The following IBTK variants were observed in gnomAD, a reference collection of about 807,000 sequenced individuals.
IBTK encodes the protein inhibitor of Bruton tyrosine kinase.
Under a neutral mutation model 154.9 loss-of-function variants are expected in IBTK, and 83 were observed. The observed-to-expected ratio is 0.54, with a 90% CI of 0.45 to 0.64. The LOEUF is 0.64. IBTK is among the 30% of genes least tolerant of loss of function. The pLI is 0.00. For synonymous variants in IBTK, 515 were observed against 536.1 expected (o/e 0.96, Z 0.54); for missense variants, 1,332 against 1,584.6 (o/e 0.84, Z 2.71).
At chr6:82,232,798 T>TGGAGTTCAGGAGTTCCAGATTACC (rs1239483932) in intron 3 of IBTK, among the ~76,000 whole-genome samples, 5 of 151,998 alleles carry the variant, frequency 3.3e-5, no homozygotes, top group Admixed American at 2.6e-4. Context: ...GGAGGATCAC[T>TGGAGTTCAGGAGTTCCAGATTACC]GGAGTTCAGG....
At chr6:82,237,180 G>A (rs1027521984) in intron 2 of IBTK, among the ~76,000 whole-genome samples, 1 of 151,788 alleles carries the variant, frequency 6.6e-6, no homozygotes, top group East Asian at 1.9e-4. Context: ...AGGATGGCAG[G>A]AAACCCAAAC....
At chr6:82,204,319 C>T (rs1769319226) in intron 17 of IBTK, among the ~76,000 whole-genome samples, 2 of 151,730 alleles carry the variant, frequency 1.3e-5, no homozygotes, top group South Asian at 2.1e-4. Context: ...AGTGTCAGGG[C>T]CAAAATAATA....
chr6:82,193,061 G>A lies in IBTK; in HGVS notation c.3339-1182C>T, dbSNP rs1458882555. 4.0e-5 allele frequency among the ~76,000 whole-genome samples: 6 copies of A among 148,784 alleles called. No homozygotes were observed. In the East Asian group the frequency reaches 5.9e-4, roughly 15 times the overall value. ...TGCGGTGAGCCGAGATCGTGCCACC[G>A]CACTCCAGCCTGGGCAACAGAGCAA... On this transcript the variant is annotated intron_variant, in intron 23 of 28. Transcript: ENST00000306270.
At chr6:82,230,229 A>G (rs867310849) in intron 4 of IBTK, among the ~76,000 whole-genome samples, 1 of 152,222 alleles carries the variant, frequency 6.6e-6, no homozygotes, top group South Asian at 2.1e-4. Flanking sequence ...TACTATAGTG[A>G]TAAAAACACT....
At chr6:82,173,293 C>T in intron 27 of IBTK, 74 bp downstream of exon 27, 1 of 1,061,654 alleles carries the variant, frequency 9.4e-7, no homozygotes, top group Non-Finnish European at 1.5e-6. Context: ...TGAGCCACTG[C>T]ACTCAGCCTT....
rs777051108 is a variant in IBTK, at chr6:82,201,460, C to T, written c.2752G>A (p.Gly918Ser). ...AACTCAGAAAGATCCTTCAAAACAC[C>T]ATCGCTTAAAACATCAAGAGACCTA... is the stretch of plus-strand genomic sequence containing the variant. ...EARSLDVLSD[G>S]VLKDLSEFYR... Residue 918 changes from glycine to serine, a missense_variant, in exon 19 of 29, where the codon GGT becomes AGT. By Grantham distance (56) the Gly-to-Ser change is moderately conservative. Transcript: ENST00000306270. 6.2e-7 allele frequency: 1 copy of T among 1,607,464 alleles called. No homozygotes were observed. Among genetic ancestry groups the T allele is most frequent in the East Asian group, 2.2e-5 (1 of 44,448 alleles).
chr6:82,181,895 C>T lies in IBTK; in HGVS notation c.3709G>A (p.Ala1237Thr). The T allele has an allele frequency of 1.3e-6, 2 of 1,576,040 alleles. No homozygotes were observed. The highest frequency in any genetic ancestry group is 1.7e-6 in the Non-Finnish European group (2 of 1,168,792). ...TTTTATTACCTGACAATTTTTGGTG[C>T]CTGAGAATTTTCAATTCCTTTAAAA... ...VSFKGIENSQ[A>T]PKIVRCSTHG... Residue 1237 changes from alanine (A) to threonine (T), a missense_variant, in exon 26 of 29, where the codon GCA (alanine) becomes ACA (threonine). Ala to Thr is a moderately conservative substitution (Grantham distance 58). Transcript: ENST00000306270.
intron 17 of IBTK, among the ~76,000 whole-genome samples, chr6:82,203,127 A>G (rs1183835189): frequency 6.6e-6 from 1 of 152,150 alleles, no homozygotes; most frequent in African/African-American, 2.4e-5. Flanking sequence ...GTGGGTGTAT[A>G]TATATACATG....
chr6:82,209,728 C>T (rs971420352), intron 16 of IBTK, among the ~76,000 whole-genome samples: 2 of 152,068 alleles, frequency 1.3e-5, no homozygotes, highest in East Asian at 1.9e-4. Context: ...AATAATTTCT[C>T]GATTTTTAAA....
At chr6:82,174,150 G>C (rs1167224535) in intron 26 of IBTK, among the ~76,000 whole-genome samples, 2 of 151,972 alleles carry the variant, frequency 1.3e-5, no homozygotes, top group African/African-American at 4.8e-5. Context: ...AGAAAACTGA[G>C]GACTAGACAG....
chr6:82,199,684 C>A (rs567834202), intron 21 of IBTK, among the ~76,000 whole-genome samples: 1 of 152,120 alleles, frequency 6.6e-6, no homozygotes, highest in Non-Finnish European at 1.5e-5. Context: ...CCAGTCACAT[C>A]CTGTTTTAAA....
intron 26 of IBTK, among the ~76,000 whole-genome samples, chr6:82,181,261 G>GA (rs1335540163): frequency 6.6e-6 from 1 of 151,942 alleles, no homozygotes; most frequent in Non-Finnish European, 1.5e-5. Context: ...AATAGCTAGA[G>GA]AAAAAATTGC....
chr6:82,192,747 C>CA lies in IBTK; in HGVS notation c.3339-869dup, dbSNP rs148526883. Among the ~76,000 whole-genome samples the CA allele has an allele frequency of 3.4e-3, 300 of 89,086 alleles. 1 individual carries two copies. The highest frequency in any genetic ancestry group is 0.021 in the East Asian group (57 of 2,652). 58.4% of individuals were successfully genotyped at this position (89,086 alleles called of 152,430 possible). On this transcript the variant is annotated intron_variant, in intron 23 of 28. Coordinates refer to ENST00000306270, the MANE Select transcript of IBTK (RefSeq NM_015525.4). ...GGGCAATGAGGGCGAAACTCTGTCTCAAAAAAAAAAAAAAAAGAAATAGAT... is the reference window on the plus strand; with the variant it reads ...GGGCAATGAGGGCGAAACTCTGTCTCAAAAAAAAAAAAAAAAAGAAATAGAT...
intron 16 of IBTK, chr6:82,210,448 CAA>C (rs1347620427): frequency 2.0e-5 from 3 of 152,234 alleles, no homozygotes; most frequent in South Asian, 2.1e-4. Context: ...CACTAATTCT[CAA>C]AGAGTTCATT....
chr6:82,189,554 A>G, intron 25 of IBTK, among the ~76,000 whole-genome samples: 1 of 152,308 alleles, frequency 6.6e-6, no homozygotes, highest in African/African-American at 2.4e-5. Context: ...AGAAAACCAC[A>G]GGATCAAGAA....
chr6:82,179,936 A>T (rs924433035), intron 26 of IBTK, among the ~76,000 whole-genome samples: 3 of 151,912 alleles, frequency 2.0e-5, no homozygotes, highest in African/African-American at 7.3e-5. Context: ...AGATAAAAGC[A>T]CAGGTATTGG....
At chr6:82,186,388 AC>A (rs1451712054) in intron 25 of IBTK, among the ~76,000 whole-genome samples, 1 of 152,214 alleles carries the variant, frequency 6.6e-6, no homozygotes, top group Non-Finnish European at 1.5e-5. Flanking sequence ...AAGATACTCC[AC>A]CATAAAAAGA....
rs1443130920 is a variant in IBTK at position 82,170,143 on chromosome 6, T to C, written c.*1282A>G. On this transcript the variant is annotated 3_prime_UTR_variant, in exon 29 of 29. Transcript: ENST00000306270. The stretch of plus-strand genomic sequence containing the variant: ...AATAAATACAGCATCAACTTAACCA[T>C]ATACTGGCCACTAGTGTAGCACATC... 1 of 152,324 alleles carries C rather than the reference T, an allele frequency of 6.6e-6. No individual in the cohort carries two copies. The highest frequency in any genetic ancestry group is 1.9e-4 in the East Asian group (1 of 5,206). 9.4% of individuals were successfully genotyped at this position (152,324 alleles called of 1,614,324 possible).
intron 23 of IBTK, among the ~76,000 whole-genome samples, chr6:82,194,135 T>G (rs888716858): frequency 9.9e-5 from 15 of 152,186 alleles, no homozygotes; most frequent in Non-Finnish European, 2.2e-4. Context: ...CTCTAAGAGA[T>G]AAAGTCTATG....
Sources: allele counts gnomAD v4.1 joint callset (sites outside exome capture counted in the v4.1 genomes callset), GRCh38; gene constraint gnomAD v4.1.1; transcripts MANE v1.5; gene names NCBI Gene and HGNC (gene_info 2026-07-23, HGNC 2026-07-21).